Variants in MVB12A observed in about 807,000 individuals in gnomAD.
The protein encoded by MVB12A is CIN85/CD2AP family binding protein.
In MVB12A, 30 loss-of-function variants were observed where a neutral mutation model predicts 34.3. That is an observed-to-expected ratio of 0.88 (90% CI 0.65 to 1.19). The LOEUF is 1.19. Among genes scored for constraint, MVB12A ranks in the 50% most tolerant of loss-of-function variants. The probability of loss-of-function intolerance (pLI) is 0.00; values close to 1 mark genes in which losing one functional copy is unlikely to be tolerated. For missense variants in MVB12A, 355 were observed against 369.2 expected (o/e 0.96, Z 0.31); for synonymous variants, 158 against 158.9 (o/e 0.99, Z 0.04).
chr19:17,423,651 T>C, intron 5 of MVB12A, 34 bp downstream of exon 5: 1 of 1,613,178 alleles, frequency 6.2e-7, no homozygotes, highest in African/African-American at 1.3e-5. Flanking sequence ...GGGGTGGCCG[T>C]TGTGGGAGGA....
At position 17,424,958 on chromosome 19, in the gene MVB12A, A is replaced by C; in HGVS notation, c.787A>C (p.Thr263Pro). 1 of 1,608,430 alleles carries C rather than the reference A, an allele frequency of 6.2e-7. No individual in the cohort carries two copies. The change falls in exon 9 of 9, where the codon ACC becomes CCC. Residue 263 changes from threonine (T) to proline (P), a missense_variant. Transcript: ENST00000317040. ...TAACTACGGCTTCGTGGTGGAGAAGACCGCGGCTGCCCGCCTGCCCCCCAG... is the reference window on the plus strand; with the variant it reads ...TAACTACGGCTTCGTGGTGGAGAAGCCCGCGGCTGCCCGCCTGCCCCCCAG... ...EYNYGFVVEK[T>P]AAARLPPSVS
chr19:17,422,365 T>A lies in MVB12A; in HGVS notation c.320T>A (p.Val107Glu). The change falls in exon 4 of 9, where the codon GTG becomes GAG. Residue 107 changes from valine to glutamate, a missense_variant. Physicochemically the swap from Val to Glu is moderately radical, Grantham distance 121 (BLOSUM62 -2). Coordinates refer to ENST00000317040, the MANE Select transcript of MVB12A (RefSeq NM_138401.4). ...GTGTCCAAGAAGAAACGCATGTGTG[T>A]GAAGCTGTTGCCCCTGGGAGCCACG... ...ASVSKKKRMC[V>E]KLLPLGATDT... The A allele has an allele frequency of 6.2e-7, 1 of 1,613,488 alleles. No individual in the cohort carries two copies. Among genetic ancestry groups the A allele is most frequent in the Non-Finnish European group, 8.5e-7 (1 of 1,179,726 alleles).
At chr19:17,423,267 G>C (rs112026174) in intron 4 of MVB12A, among the ~76,000 whole-genome samples, 9,168 of 150,280 alleles carry the variant, frequency 0.061, 789 homozygotes, top group African/African-American at 0.19. Flanking sequence ...GCTGAGGCAG[G>C]AGAATCGTTT....
At chr19:17,406,500 T>C (rs2074729560) in intron 2 of MVB12A, 2 of 152,180 alleles carry the variant, frequency 1.3e-5, no homozygotes, top group South Asian at 4.1e-4. Flanking sequence ...ACAGCCCAGA[T>C]TCTGTTAGGT....
chr19:17,406,847 A>T (rs1012653982), intron 2 of MVB12A, among the ~76,000 whole-genome samples: 4 of 152,160 alleles, frequency 2.6e-5, no homozygotes, highest in African/African-American at 9.7e-5. Context: ...AGAACCAAGA[A>T]CCAATTAACA....
rs533943550 is a variant in MVB12A at position 17,424,756 on chromosome 19, G to A, written c.759+79G>A. 1.1e-5 allele frequency: 17 copies of A among 1,515,864 alleles called. No homozygotes were observed. In the South Asian group the frequency reaches 1.5e-4, roughly 14 times the overall value. The allele number at this position is 1,515,864 out of a possible 1,614,324, so 93.9% of individuals were successfully genotyped here. ...AGGGGCCGGCACCCGCCCCTCGTCC[G>A]CCCCAGGCTGTCCCAGTTTTCCCCA... On this transcript the variant is annotated intron_variant, in intron 8 of 8. Coordinates refer to ENST00000317040, the MANE Select transcript of MVB12A (RefSeq NM_138401.4).
At chr19:17,411,125 C>T (rs1461933601) in intron 2 of MVB12A, among the ~76,000 whole-genome samples, 1 of 150,670 alleles carries the variant, frequency 6.6e-6, no homozygotes, top group African/African-American at 2.4e-5. Flanking sequence ...TGCGCCACTA[C>T]GCCCAGCTAA....
Position 17,423,479 on chromosome 19 carries a change from A to G in MVB12A, c.414-19A>G. 1.2e-6 allele frequency: 2 copies of G among 1,608,480 alleles called. No individual in the cohort carries two copies. Among genetic ancestry groups the G allele is most frequent in the Admixed American group, 1.7e-5 (1 of 59,822 alleles). On this transcript the variant is annotated intron_variant, in intron 4 of 8. Coordinates refer to ENST00000317040, the MANE Select transcript of MVB12A (RefSeq NM_138401.4). Reference sequence around the variant, plus strand: ...CCCACACCGGGCCAGCATCCCTCCCACCTTCCCTCCTGGTCCAGGGACATG... The same window carrying G: ...CCCACACCGGGCCAGCATCCCTCCCGCCTTCCCTCCTGGTCCAGGGACATG...
upstream of MVB12A, chr19:17,417,154 C>A: frequency 4.2e-6 from 1 of 239,598 alleles, no homozygotes; most frequent in Non-Finnish European, 8.6e-6. Flanking sequence ...GCTTTGCCGC[C>A]TTAGTGACGT....
At chr19:17,420,268 C>G (rs1192300752) in intron 1 of MVB12A, 43 bp downstream of exon 1, 2 of 1,543,454 alleles carry the variant, frequency 1.3e-6, no homozygotes, top group East Asian at 2.3e-5. Flanking sequence ...GGGAGGCAGT[C>G]GCTGTGGGGT....
chr19:17,406,644 C>A (rs1174065242), intron 2 of MVB12A, among the ~76,000 whole-genome samples: 1 of 152,002 alleles, frequency 6.6e-6, no homozygotes, highest in Non-Finnish European at 1.5e-5. Context: ...AGAAGGACCC[C>A]ATTAAAGCCA....
At position 17,420,526 on chromosome 19, in the gene MVB12A, T is replaced by C. The variant is rs2074831521; in HGVS notation, c.190-12T>C. 1.2e-6 allele frequency: 2 copies of C among 1,608,370 alleles called. No individual in the cohort carries two copies. The highest frequency in any genetic ancestry group is 1.1e-5 in the South Asian group (1 of 90,948). On this transcript the variant is annotated splice_polypyrimidine_tract_variant and intron_variant, in intron 2 of 8. Coordinates refer to ENST00000317040, the MANE Select transcript of MVB12A (RefSeq NM_138401.4). ...GCTAGCCACCCTCGCCGTGTCCCCC[T>C]TCCACCCCCAGAACCCGCAGGAGAA...
At chr19:17,408,431 T>TTTAATTAATTAA (rs143044472) in intron 2 of MVB12A, among the ~76,000 whole-genome samples, 3 of 148,654 alleles carry the variant, frequency 2.0e-5, no homozygotes, top group African/African-American at 7.4e-5. Flanking sequence ...TTTATTTTGT[T>TTTAATTAATTAA]TTAATTAATT....
At chr19:17,406,001 G>GT (rs2074725664) in intron 1 of MVB12A, 1 of 158,104 alleles carries the variant, frequency 6.3e-6, no homozygotes. Flanking sequence ...GCACAGTTGC[G>GT]TGGTGGAGTG....
intron 2 of MVB12A, among the ~76,000 whole-genome samples, chr19:17,410,529 T>TATATATATATATATATATAC: frequency 1.3e-5 from 1 of 74,436 alleles, no homozygotes; most frequent in Admixed American, 1.5e-4. Flanking sequence ...TATATATATA[T>TATATATATATATATATATAC]ACACACACAC....
In MVB12A at chr19:17,407,420, T is replaced by A. The variant is rs183051459; in HGVS notation, c.-5+1124T>A. Among the ~76,000 whole-genome samples the A allele has an allele frequency of 2.9e-3, 442 of 152,180 alleles. 1 individual carries two copies. Among genetic ancestry groups the A allele is most frequent in the Non-Finnish European group, 3.5e-3 (239 of 68,008 alleles). On this transcript the variant is annotated intron_variant, in intron 2 of 6. Coordinates refer to the MVB12A transcript ENST00000528604. ...AATGTCTGGCTGTGCTGTTATTTAT[T>A]GGATACAAAGCAAAAGGGGCAGGGT...
Position 17,424,978 on chromosome 19 carries a change from C to T in MVB12A, c.807C>T (p.Pro269=), listed in dbSNP as rs2074861945. ...VVEKTAAARL[P]PSVS The stretch of plus-strand genomic sequence containing the variant: ...AGAAGACCGCGGCTGCCCGCCTGCC[C>T]CCCAGCGTCTCATAGTCCCTCACCC... Residue 269 remains proline, a synonymous_variant, in exon 9 of 9, where the codon CCC becomes CCT. Transcript: ENST00000317040. The T allele has an allele frequency of 6.2e-7, 1 of 1,609,666 alleles. No individual in the cohort carries two copies. Among genetic ancestry groups the T allele is most frequent in the East Asian group, 2.2e-5 (1 of 44,552 alleles).
In MVB12A at chr19:17,424,960, C is replaced by T. The variant is rs774971710; in HGVS notation, c.789C>T (p.Thr263=). 4 of 1,610,680 alleles carry T rather than the reference C, an allele frequency of 2.5e-6. No homozygotes were observed. Among genetic ancestry groups the T allele is most frequent in the Non-Finnish European group, 3.4e-6 (4 of 1,178,140 alleles). The change falls in exon 9 of 9, where the codon ACC becomes ACT. Residue 263 remains threonine, a synonymous_variant. Coordinates refer to ENST00000317040, the MANE Select transcript of MVB12A (RefSeq NM_138401.4). ...ACTACGGCTTCGTGGTGGAGAAGACCGCGGCTGCCCGCCTGCCCCCCAGCG... is the reference window on the plus strand; with the variant it reads ...ACTACGGCTTCGTGGTGGAGAAGACTGCGGCTGCCCGCCTGCCCCCCAGCG... ...EYNYGFVVEK[T]AAARLPPSVS is the part of the protein sequence containing the mutation.
At position 17,423,780 on chromosome 19, in the gene MVB12A, C is replaced by CA; in HGVS notation, c.622dup (p.Ser208LysfsTer20). 6.2e-7 allele frequency: 1 copy of CA among 1,613,968 alleles called. No individual in the cohort carries two copies. The highest frequency in any genetic ancestry group is 8.5e-7 in the Non-Finnish European group (1 of 1,179,880). On this transcript the variant is annotated frameshift_variant, in exon 6 of 9. Transcript: ENST00000317040. LOFTEE classifies it high-confidence loss of function. ...GGAATGACTCCATCTACGAGGCCTC[C>CA]AGCCTCTATGGCATCTCAGGTGAGC...
Sources: gnomAD v4.1 joint callset for allele counts (sites outside exome capture counted in the v4.1 genomes callset) on GRCh38, gnomAD v4.1.1 for gene constraint, MANE v1.5 for transcripts, NCBI Gene and HGNC (gene_info 2026-07-23, HGNC 2026-07-21) for gene names.